The following ZMYM1 variants were observed in gnomAD, a reference collection of about 807,000 sequenced individuals.
ZMYM1 encodes zinc finger MYM-type containing 1.
Under a neutral mutation model 60.0 loss-of-function variants are expected in ZMYM1, and 39 were observed. The ratio of observed to expected loss-of-function variants is 0.65; its 90% confidence interval spans 0.50 to 0.85. ZMYM1 has a LOEUF of 0.85. Ranked by LOEUF, ZMYM1 falls within the 40% of genes least tolerant of loss-of-function variation. The pLI, the probability that ZMYM1 is intolerant of heterozygous loss-of-function variation, is 0.00. For missense variants in ZMYM1, 1,171 were observed against 1,309.5 expected, an observed-to-expected ratio of 0.89 and a Z score of 1.63; for synonymous variants, 413 against 454.0, an observed-to-expected ratio of 0.91 and a Z score of 1.15.
At chr1:35,116,801 A>G (rs1350371785), downstream of ZMYM1, among the ~76,000 whole-genome samples, 2 of 151,708 alleles carry the variant, frequency 1.3e-5, no homozygotes, top group East Asian at 3.9e-4. Flanking sequence ...CAAAGATTTG[A>G]AAGAATTAAG....
intron 1 of ZMYM1, among the ~76,000 whole-genome samples, chr1:35,091,714 G>A (rs1420925523): frequency 6.6e-6 from 1 of 150,882 alleles, no homozygotes; most frequent in Non-Finnish European, 1.5e-5. Flanking sequence ...GGGCAACATA[G>A]GGAAACACCT....
Position 35,111,764 on chromosome 1 carries a change from G to A in ZMYM1, c.962-8G>A, listed in dbSNP as rs1247699904. The A allele has an allele frequency of 1.3e-6, 2 of 1,551,742 alleles. No individual in the cohort carries two copies. The highest frequency in any genetic ancestry group is 1.7e-6 in the Non-Finnish European group (2 of 1,147,354). On this transcript the variant is annotated splice_region_variant and splice_polypyrimidine_tract_variant and intron_variant, in intron 7 of 9. Coordinates refer to ENST00000359858, the MANE Select transcript of ZMYM1 (RefSeq NM_024772.5). Reference sequence around the variant, plus strand: ...CTTGTTTATAAGAAATCTTTTTATTGTTGTCAGTAAGTGTTGTTTCTGTGG... The same window carrying A: ...CTTGTTTATAAGAAATCTTTTTATTATTGTCAGTAAGTGTTGTTTCTGTGG...
chr1:35,097,057 C>T (rs575426747), intron 3 of ZMYM1, among the ~76,000 whole-genome samples: 1 of 152,034 alleles, frequency 6.6e-6, no homozygotes, highest in Non-Finnish European at 1.5e-5. Flanking sequence ...ACTCTGACCT[C>T]AGGTGATCCA....
At chr1:35,084,780 A>G (rs367875007) in intron 1 of ZMYM1, among the ~76,000 whole-genome samples, 10 of 152,188 alleles carry the variant, frequency 6.6e-5, no homozygotes, top group South Asian at 2.1e-4. Context: ...GAGTCCGCCA[A>G]TGACTTGGAG....
At chr1:35,112,198 G>A in intron 9 of ZMYM1, 68 bp downstream of exon 9, 1 of 1,528,074 alleles carries the variant, frequency 6.5e-7, no homozygotes, top group South Asian at 1.1e-5. Flanking sequence ...TTGTTGTTGA[G>A]ACAGAGTCTC....
chr1:35,072,205 T>C (rs1368355444), intron 1 of ZMYM1, among the ~76,000 whole-genome samples: 1 of 152,202 alleles, frequency 6.6e-6, no homozygotes, highest in East Asian at 1.9e-4. Flanking sequence ...TTTGGAGTTT[T>C]TTTGATGGCA....
rs916700735 is a variant in ZMYM1, at chr1:35,079,400, A to T, written c.-117A>T. 8.6e-6 allele frequency: 1 copy of T among 116,466 alleles called. No homozygotes were observed. Among genetic ancestry groups the T allele is most frequent in the Admixed American group, 9.7e-5 (1 of 10,308 alleles). The allele number at this position is 116,466 out of a possible 1,614,324, so 7.2% of individuals were successfully genotyped here. A position where few individuals can be genotyped will look rare whatever the true frequency, so the allele number is the denominator to read the frequency against. ...TCGGCGGGGCCGTTTCGCTTCGAAGATTGTTTCAGAAGCGTTGGGCGGGGC... is the reference window on the plus strand; with the variant it reads ...TCGGCGGGGCCGTTTCGCTTCGAAGTTTGTTTCAGAAGCGTTGGGCGGGGC... On this transcript the variant is annotated 5_prime_UTR_variant, in exon 1 of 10. Coordinates refer to ENST00000359858, the MANE Select transcript of ZMYM1 (RefSeq NM_024772.5).
chr1:35,064,759 TC>T (rs1389458882), intron 1 of ZMYM1, among the ~76,000 whole-genome samples: 1 of 146,794 alleles, frequency 6.8e-6, no homozygotes, highest in African/African-American at 2.5e-5. Flanking sequence ...TGATCTCGGC[TC>T]ACTGCAAGCT....
At chr1:35,079,513 G>C (rs1305325398) in intron 1 of ZMYM1, 71 bp downstream of exon 1, 4 of 152,298 alleles carry the variant, frequency 2.6e-5, no homozygotes, top group African/African-American at 9.6e-5. Context: ...CAGGGTTTCT[G>C]CTGTCGGTCG....
chr1:35,084,054 A>G (rs1359782643), intron 1 of ZMYM1, among the ~76,000 whole-genome samples: 2 of 151,748 alleles, frequency 1.3e-5, no homozygotes, highest in South Asian at 2.1e-4. Context: ...CATTATTTCA[A>G]TTTTCCATCC....
At chr1:35,088,115 T>C (rs1642755407) in intron 1 of ZMYM1, among the ~76,000 whole-genome samples, 1 of 151,626 alleles carries the variant, frequency 6.6e-6, no homozygotes, top group African/African-American at 2.4e-5. Context: ...TTTCTCTCTT[T>C]GGTTTAAATT....
At position 35,110,325 on chromosome 1, in the gene ZMYM1, G is replaced by GC; in HGVS notation, c.840dup (p.Lys281GlnfsTer8). On this transcript the variant is annotated frameshift_variant, in exon 7 of 10. Transcript: ENST00000359858. LOFTEE classifies it high-confidence loss of function. ...GCCAAACCACTTATATCTGTTCCTT[G>GC]CAAACCATTGAAGCCCTCAGATGAA... 6.4e-7 allele frequency: 1 copy of GC among 1,567,788 alleles called. No individual in the cohort carries two copies. Among genetic ancestry groups the GC allele is most frequent in the South Asian group, 1.2e-5 (1 of 82,914 alleles).
chr1:35,079,151 T>TG (rs1642233849), upstream of ZMYM1: 1 of 152,196 alleles, frequency 6.6e-6, no homozygotes, highest in East Asian at 1.9e-4. Context: ...ATCCAGGAAA[T>TG]CTAACTGCCC....
intron 3 of ZMYM1, among the ~76,000 whole-genome samples, 167 bp from the exon 4 acceptor site, chr1:35,097,150 G>A (rs1643378051): frequency 6.6e-6 from 1 of 152,174 alleles, no homozygotes; most frequent in Non-Finnish European, 1.5e-5. Context: ...AGTACAGGGT[G>A]TCAAGGCTGC....
At chr1:35,109,203 T>G (rs1185706030) in intron 6 of ZMYM1, among the ~76,000 whole-genome samples, 4 of 151,980 alleles carry the variant, frequency 2.6e-5, no homozygotes, top group Non-Finnish European at 4.4e-5. Flanking sequence ...TTATTTTTAT[T>G]TATTTATTTA....
intron 1 of ZMYM1, among the ~76,000 whole-genome samples, chr1:35,066,430 T>G (rs1263593378): frequency 6.6e-6 from 1 of 152,180 alleles, no homozygotes; most frequent in Non-Finnish European, 1.5e-5. Context: ...ACTCCTGATC[T>G]CAGGTGATCC....
At chr1:35,067,228 C>T (rs1221138722) in intron 1 of ZMYM1, among the ~76,000 whole-genome samples, 1 of 152,050 alleles carries the variant, frequency 6.6e-6, no homozygotes, top group Non-Finnish European at 1.5e-5. Context: ...ATCTGTCCAC[C>T]TTGGCCTCTC....
intron 1 of ZMYM1, among the ~76,000 whole-genome samples, chr1:35,062,249 A>G (rs11263983): frequency 0.2 from 30,509 of 152,094 alleles, 7,051 homozygotes; most frequent in African/African-American, 0.55. Flanking sequence ...ACTTTGGAAG[A>G]AGAAACTCAT....
chr1:35,097,870 A>G (rs1362294367), intron 4 of ZMYM1, among the ~76,000 whole-genome samples: 1 of 152,112 alleles, frequency 6.6e-6, no homozygotes, highest in Non-Finnish European at 1.5e-5. Flanking sequence ...GCTGGTCTTG[A>G]ACTCCTGACC....
Sources: gnomAD v4.1 joint callset for allele counts (sites outside exome capture counted in the v4.1 genomes callset) on GRCh38, gnomAD v4.1.1 for gene constraint, MANE v1.5 for transcripts, NCBI Gene and HGNC (gene_info 2026-07-23, HGNC 2026-07-21) for gene names.